Variants in CA10 observed in about 807,000 individuals in gnomAD.
CA10 encodes the protein carbonic anhydrase 10 (inactive), also known as carbonic anhydrase-related protein 10.
A neutral mutation model predicts 44.2 loss-of-function variants in CA10; 14 were observed. The observed-to-expected ratio is 0.32, with a 90% CI of 0.21 to 0.50. CA10 has a LOEUF of 0.50. CA10 is among the 20% of genes least tolerant of loss of function. The pLI is 0.99. For synonymous variants in CA10, 159 were observed against 141.6 expected (o/e 1.12, Z -0.87); for missense variants, 350 against 409.7 (o/e 0.85, Z 1.26).
chr17:51,759,612 A>G (rs1437768911), intron 3 of CA10, among the ~76,000 whole-genome samples: 1 of 151,852 alleles, frequency 6.6e-6, no homozygotes. Flanking sequence ...ATGAAAATGG[A>G]TAAGGTTTTG....
chr17:51,807,972 T>C (rs1365132466), intron 3 of CA10, among the ~76,000 whole-genome samples: 5 of 152,216 alleles, frequency 3.3e-5, no homozygotes, highest in African/African-American at 4.8e-5. Context: ...CCTCTTAAGA[T>C]CTGTGTGCAT....
At chr17:52,109,933 T>G (rs916604035) in intron 1 of CA10, among the ~76,000 whole-genome samples, 3 of 152,232 alleles carry the variant, frequency 2.0e-5, no homozygotes, top group African/African-American at 7.2e-5. Flanking sequence ...TCACATCCCA[T>G]GCATCCTCTG....
intron 2 of CA10, among the ~76,000 whole-genome samples, chr17:51,993,543 T>C (rs918266206): frequency 6.6e-6 from 1 of 152,058 alleles, no homozygotes; most frequent in Admixed American, 6.6e-5. Flanking sequence ...CCCCAGTGCC[T>C]CAGGTGTTCT....
At chr17:52,091,502 TC>T (rs914057941) in intron 1 of CA10, among the ~76,000 whole-genome samples, 1 of 152,096 alleles carries the variant, frequency 6.6e-6, no homozygotes, top group African/African-American at 2.4e-5. Context: ...AATTTCTCAC[TC>T]CCGCACATTG....
intron 3 of CA10, among the ~76,000 whole-genome samples, chr17:51,834,809 G>A (rs1908415922): frequency 2.0e-5 from 3 of 152,200 alleles, no homozygotes; most frequent in Admixed American, 2.0e-4. Flanking sequence ...TGGTTGTCGA[G>A]GGAATTAAAG....
intron 4 of CA10, among the ~76,000 whole-genome samples, chr17:51,669,636 C>A (rs1466718432): frequency 6.6e-6 from 1 of 152,156 alleles, no homozygotes; most frequent in Non-Finnish European, 1.5e-5. Flanking sequence ...CATGAACCCA[C>A]CAGGAGGGAT....
chr17:51,652,259 C>T (rs1913601723), intron 5 of CA10, among the ~76,000 whole-genome samples: 1 of 152,186 alleles, frequency 6.6e-6, no homozygotes, highest in Non-Finnish European at 1.5e-5. Flanking sequence ...AATGTTCAAC[C>T]TCTGAGTTTA....
chr17:51,796,121 T>C (rs1906695082), intron 3 of CA10, among the ~76,000 whole-genome samples: 1 of 152,158 alleles, frequency 6.6e-6, no homozygotes, highest in Non-Finnish European at 1.5e-5. Context: ...GATGACCTGG[T>C]CCTTCACCTT....
intron 1 of CA10, among the ~76,000 whole-genome samples, chr17:52,100,502 CA>C: frequency 6.6e-6 from 1 of 152,096 alleles, no homozygotes. Flanking sequence ...AAAACAAAAA[CA>C]AAAGCAAAAC....
At chr17:51,802,477 G>A (rs748057320) in intron 3 of CA10, among the ~76,000 whole-genome samples, 4 of 150,032 alleles carry the variant, frequency 2.7e-5, no homozygotes, top group Non-Finnish European at 5.9e-5. Context: ...TTTTCACATG[G>A]GGAAATTCTT....
chr17:52,013,708 T>C (rs1350020112), intron 2 of CA10, among the ~76,000 whole-genome samples: 1 of 152,022 alleles, frequency 6.6e-6, no homozygotes, highest in African/African-American at 2.4e-5. Context: ...TGTTTTGTTT[T>C]TGTGATGTCT....
chr17:51,880,088 T>A (rs949533197), intron 3 of CA10, among the ~76,000 whole-genome samples: 1 of 152,128 alleles, frequency 6.6e-6, no homozygotes, highest in Non-Finnish European at 1.5e-5. Context: ...TCCAGGCCAC[T>A]AACCACCTGC....
intron 3 of CA10, among the ~76,000 whole-genome samples, chr17:51,899,950 C>T (rs968320980): frequency 2.8e-5 from 4 of 143,062 alleles, no homozygotes; most frequent in African/African-American, 1.1e-4. Context: ...AGATGGGTCT[C>T]TTGAAGATAG....
intron 2 of CA10, among the ~76,000 whole-genome samples, chr17:52,023,257 G>A (rs1374879410): frequency 6.6e-6 from 1 of 151,994 alleles, no homozygotes; most frequent in Non-Finnish European, 1.5e-5. Flanking sequence ...TATAAAAACA[G>A]GCTCATACAC....
In CA10 at chr17:51,717,866, T is replaced by C. The variant is rs1297819577; in HGVS notation, c.465+29767A>G. ...ATATATATATATATATATATATATATATACAGGATAGAATACTCACTCAGC... is the reference window on the plus strand; with the variant it reads ...ATATATATATATATATATATATATACATACAGGATAGAATACTCACTCAGC... On this transcript the variant is annotated intron_variant, in intron 4 of 8. Transcript: ENST00000451037. 6.6e-5 allele frequency among the ~76,000 whole-genome samples: 7 copies of C among 105,724 alleles called. 3 individuals are homozygous for C. Among genetic ancestry groups the C allele is most frequent in the Non-Finnish European group, 1.3e-4 (7 of 54,150 alleles). The allele number at this position is 105,724 out of a possible 152,430, so 69.4% of individuals were successfully genotyped here. A position where few individuals can be genotyped will look rare whatever the true frequency, so the allele number is the denominator to read the frequency against.
At chr17:51,800,100 G>T (rs985895790) in intron 3 of CA10, among the ~76,000 whole-genome samples, 3 of 152,150 alleles carry the variant, frequency 2.0e-5, no homozygotes, top group African/African-American at 7.2e-5. Context: ...AAACAACCTG[G>T]ATGTTCATCA....
chr17:51,638,117 AAG>A (rs1432936117), intron 6 of CA10, among the ~76,000 whole-genome samples: 1 of 152,212 alleles, frequency 6.6e-6, no homozygotes, highest in East Asian at 1.9e-4. Context: ...TCCAATAAGA[AAG>A]AGTTACCTTT....
chr17:51,926,319 G>A (rs1331643575), intron 3 of CA10, among the ~76,000 whole-genome samples: 1 of 152,068 alleles, frequency 6.6e-6, no homozygotes, highest in Non-Finnish European at 1.5e-5. Context: ...CTGTTGTACA[G>A]GAAAAAGGCT....
intron 4 of CA10, among the ~76,000 whole-genome samples, chr17:51,713,526 A>T (rs190051811): frequency 9.8e-5 from 15 of 152,360 alleles, no homozygotes; most frequent in East Asian, 7.7e-4. Flanking sequence ...ATCACTCCTT[A>T]GTTGTCACTT....
Sources: gnomAD v4.1 joint callset for allele counts (sites outside exome capture counted in the v4.1 genomes callset) on GRCh38, gnomAD v4.1.1 for gene constraint, MANE v1.5 for transcripts, NCBI Gene and HGNC (gene_info 2026-07-23, HGNC 2026-07-21) for gene names.